ADD1: variants seen among roughly 807,000 people sequenced by gnomAD.
ADD1 encodes the protein adducin 1, also known as alpha-adducin.
In ADD1, 24 loss-of-function variants were observed where a neutral mutation model predicts 80.5. That is an observed-to-expected ratio of 0.30 (90% CI 0.22 to 0.42). The LOEUF (loss-of-function observed/expected upper bound fraction) is 0.42, where lower values mean the gene tolerates loss of function less well. Among genes scored for constraint, ADD1 ranks in the 10% least tolerant of loss-of-function variants. The pLI is 1.00. For synonymous variants in ADD1, 373 were observed against 393.8 expected (o/e 0.95, Z 0.63); for missense variants, 948 against 1,019.0 (o/e 0.93, Z 0.95).
At chr4:2,861,241 G>A (rs1728778464) in intron 1 of ADD1, among the ~76,000 whole-genome samples, 1 of 152,148 alleles carries the variant, frequency 6.6e-6, no homozygotes, top group African/African-American at 2.4e-5. Flanking sequence ...AAATGGGAAG[G>A]CCCCTGCATA....
chr4:2,901,849 T>TTC (rs1553845578), intron 9 of ADD1: 51 of 144,730 alleles, frequency 3.5e-4, no homozygotes, highest in African/African-American at 1.1e-3. Flanking sequence ...TGCTAAATTG[T>TTC]CCCCCCCCCA....
intron 14 of ADD1, among the ~76,000 whole-genome samples, chr4:2,924,590 A>T (rs1370565184): frequency 6.6e-6 from 1 of 152,168 alleles, no homozygotes; most frequent in African/African-American, 2.4e-5. Flanking sequence ...CCTGGGAGCT[A>T]GGCACTCCTC....
chr4:2,872,265 G>A (rs2108874759), intron 1 of ADD1, among the ~76,000 whole-genome samples: 1 of 152,246 alleles, frequency 6.6e-6, no homozygotes, highest in South Asian at 2.1e-4. Context: ...CATTAATTTA[G>A]CTATCAATAT....
chr4:2,880,774 C>T (rs1313969192), intron 2 of ADD1, among the ~76,000 whole-genome samples: 5 of 151,714 alleles, frequency 3.3e-5, no homozygotes, highest in Non-Finnish European at 5.9e-5. Flanking sequence ...CATGCCTGGC[C>T]GATATTTATT....
intron 3 of ADD1, among the ~76,000 whole-genome samples, chr4:2,882,286 G>A (rs1455123891): frequency 2.0e-5 from 3 of 152,172 alleles, no homozygotes; most frequent in African/African-American, 7.2e-5. Context: ...CTTTATTTCC[G>A]AGGCAGATGA....
At chr4:2,876,854 T>C (rs1431928240) in intron 2 of ADD1, among the ~76,000 whole-genome samples, 1 of 150,470 alleles carries the variant, frequency 6.6e-6, no homozygotes, top group African/African-American at 2.4e-5. Flanking sequence ...AAAAAAAAAT[T>C]AGCCGGGCAT....
chr4:2,850,943 G>A (rs915213214), intron 1 of ADD1, among the ~76,000 whole-genome samples: 1 of 152,166 alleles, frequency 6.6e-6, no homozygotes, highest in Non-Finnish European at 1.5e-5. Context: ...AGAATGGAGT[G>A]GGAATGAGGA....
chr4:2,920,657 C>CTTTTT lies in ADD1; in HGVS notation c.1949-5347_1949-5343dup, dbSNP rs55649630. Among the ~76,000 whole-genome samples the CTTTTT allele has an allele frequency of 8.8e-5, 12 of 136,542 alleles. 1 individual carries two copies. The South Asian group carries it at 2.3e-3, about 26-fold the overall frequency. 89.6% of individuals were successfully genotyped at this position (136,542 alleles called of 152,430 possible). ...TTAGAGACTAGGATTGCAACTCCTG[C>CTTTTT]TTTTTTTTTTTTTTGCTTTTCTTTT... is the stretch of plus-strand genomic sequence containing the variant. On this transcript the variant is annotated intron_variant, in intron 14 of 15. Coordinates refer to ENST00000683351, the MANE Select transcript of ADD1 (RefSeq NM_001354761.2).
intron 14 of ADD1, among the ~76,000 whole-genome samples, chr4:2,924,843 C>T (rs1740702390): frequency 6.6e-6 from 1 of 152,212 alleles, no homozygotes; most frequent in Admixed American, 6.5e-5. Context: ...AGCTGTGGGT[C>T]ATGTGGCCTC....
chr4:2,926,248 TCTC>T lies in ADD1; in HGVS notation c.2047+142_2047+144del, dbSNP rs751994782. 1.6e-5 allele frequency: 13 copies of T among 793,200 alleles called. No individual in the cohort carries two copies. The highest frequency in any genetic ancestry group is 2.6e-5 in the Non-Finnish European group (12 of 455,892). The allele number at this position is 793,200 out of a possible 1,614,324, so 49.1% of individuals were successfully genotyped here. On this transcript the variant is annotated intron_variant, in intron 15 of 15. Transcript: ENST00000683351. This position sits in a 1 kb window ranked among gnomAD's most constrained non-coding sequence, Gnocchi z 5.0. Reference sequence around the variant, plus strand: ...CATCAGCGCCAGGACGTGACACCTTTCTCCTCCTATATTGCTTCTGTCCTGGGT... The same window carrying T: ...CATCAGCGCCAGGACGTGACACCTTTCTCCTATATTGCTTCTGTCCTGGGT...
At position 2,928,349 on chromosome 4, in the gene ADD1, G is replaced by GCCAGCC. The variant is rs778829202; in HGVS notation, c.2231_2236dup (p.Ala744_Pro745dup). The GCCAGCC allele has an allele frequency of 6.2e-7, 1 of 1,613,662 alleles. No individual in the cohort carries two copies. Among genetic ancestry groups the GCCAGCC allele is most frequent in the African/African-American group, 1.3e-5 (1 of 74,894 alleles). On this transcript the variant is annotated inframe_insertion, in exon 16 of 16. Coordinates refer to ENST00000683351, the MANE Select transcript of ADD1 (RefSeq NM_001354761.2). ...AGGCCCCTACTGAGGCCAGCCCCGAGCCAGCCCCAGACCCAGCCCCGGTGG... is the reference window on the plus strand; with the variant it reads ...AGGCCCCTACTGAGGCCAGCCCCGAGCCAGCCCCAGCCCCAGACCCAGCCCCGGTGG...
At chr4:2,896,117 G>A (rs1003018300) in intron 6 of ADD1, among the ~76,000 whole-genome samples, 2 of 151,980 alleles carry the variant, frequency 1.3e-5, no homozygotes, top group African/African-American at 4.8e-5. Flanking sequence ...TTGATCGCCT[G>A]ACCTCGTGAT....
At chr4:2,916,904 A>G (rs966555467) in intron 14 of ADD1, among the ~76,000 whole-genome samples, 1 of 152,174 alleles carries the variant, frequency 6.6e-6, no homozygotes, top group African/African-American at 2.4e-5. Flanking sequence ...CATGGTGTAT[A>G]TGTGCCACAT....
At chr4:2,898,092 C>T in intron 6 of ADD1, 92 bp from the exon 7 acceptor site, 2 of 1,423,480 alleles carry the variant, frequency 1.4e-6, no homozygotes, top group East Asian at 2.3e-5. Flanking sequence ...TTTCCCTTCC[C>T]ATTTTATTTC....
At position 2,929,516 on chromosome 4, in the gene ADD1, T is replaced by C. The variant is rs35640772; in HGVS notation, c.*993T>C. 0.026 allele frequency: 3,964 copies of C among 152,272 alleles called. 64 individuals carry two copies. Among genetic ancestry groups the C allele is most frequent in the African/African-American group, 0.045 (1,883 of 41,544 alleles). 9.4% of individuals were successfully genotyped at this position (152,272 alleles called of 1,614,324 possible). On this transcript the variant is annotated 3_prime_UTR_variant, in exon 16 of 16. Coordinates refer to ENST00000683351, the MANE Select transcript of ADD1 (RefSeq NM_001354761.2). ...ACCGTGTGCTCCTCGGCAGATGCTG[T>C]TGTTGTTACTTCCCTCCAAGAGGCT...
intron 1 of ADD1, among the ~76,000 whole-genome samples, chr4:2,874,474 G>C (rs998663339): frequency 6.6e-6 from 1 of 151,822 alleles, no homozygotes; most frequent in East Asian, 1.9e-4. Context: ...GGGTGTGGTG[G>C]CACGTGCCTG....
At chr4:2,920,704 C>A in intron 14 of ADD1, among the ~76,000 whole-genome samples, 1 of 130,592 alleles carries the variant, frequency 7.7e-6, no homozygotes, top group South Asian at 2.5e-4. Context: ...ATTCTTCTAT[C>A]CCTTTATTTT....
At chr4:2,881,807 C>A in intron 2 of ADD1, 91 bp from the exon 3 acceptor site, 1 of 1,182,830 alleles carries the variant, frequency 8.5e-7, no homozygotes, top group Admixed American at 3.3e-5. Flanking sequence ...TGGATGAAAA[C>A]AAAAATTGGT....
At chr4:2,850,566 C>A (rs1167972840) in intron 1 of ADD1, among the ~76,000 whole-genome samples, 1 of 152,256 alleles carries the variant, frequency 6.6e-6, no homozygotes, top group Admixed American at 6.5e-5. Context: ...GCTGGGACTA[C>A]AGGCGCCTGC....
Sources: gnomAD v4.1 joint callset for allele counts (sites outside exome capture counted in the v4.1 genomes callset) on GRCh38, gnomAD v4.1.1 for gene constraint, Gnocchi (gnomAD v3.1) non-coding constraint, MANE v1.5 for transcripts, NCBI Gene and HGNC (gene_info 2026-07-23, HGNC 2026-07-21) for gene names.